Variants in KIF6 observed in about 807,000 individuals in gnomAD.
The protein encoded by KIF6 is kinesin-like protein KIF6.
A neutral mutation model predicts 112.7 loss-of-function variants in KIF6; 106 were observed. The ratio of observed to expected loss-of-function variants is 0.94; its 90% CI spans 0.80 to 1.11. The LOEUF is 1.11. Ranked by LOEUF, KIF6 falls within the 50% of genes least tolerant of loss-of-function variation. The pLI is 0.00. For synonymous variants in KIF6, 339 were observed against 339.9 expected, an observed-to-expected ratio of 1.00 and a Z score of 0.03; for missense variants, 929 against 964.0, an observed-to-expected ratio of 0.96 and a Z score of 0.48.
chr6:39,339,912 C>T (rs1056923005), intron 22 of KIF6, among the ~76,000 whole-genome samples: 1 of 152,170 alleles, frequency 6.6e-6, no homozygotes, highest in Admixed American at 6.6e-5. Flanking sequence ...TCACAAATTC[C>T]CCTTAATGAG....
chr6:39,434,589 A>AC (rs199778756), intron 13 of KIF6, among the ~76,000 whole-genome samples: 8,530 of 146,916 alleles, frequency 0.058, 441 homozygotes, highest in East Asian at 0.24. Context: ...ACAAAACAAA[A>AC]AAACAAAACA....
rs377586464 is a variant in KIF6 at position 39,533,355 on chromosome 6, T to A, written c.1645+6648A>T. ...GCTTAAAAAACGGTGCACCAGGAGA[T>A]TATATCCTGCACATGGCTTGGAGGG... On this transcript the variant is annotated intron_variant, in intron 13 of 22. Transcript: ENST00000287152. 1.1e-4 allele frequency among the ~76,000 whole-genome samples: 17 copies of A among 152,208 alleles called. 1 individual carries two copies. The East Asian group carries it at 1.9e-3, about 17-fold the overall frequency.
rs1281726852 is a variant in KIF6, at chr6:39,335,015, G to A, written c.*1517C>T. 1 of 152,234 alleles carries A rather than the reference G, an allele frequency of 6.6e-6. No individual in the cohort carries two copies. Among genetic ancestry groups the A allele is most frequent in the Non-Finnish European group, 1.5e-5 (1 of 68,060 alleles). The allele number at this position is 152,234 out of a possible 1,614,324, so 9.4% of individuals were successfully genotyped here. ...AGCCTGAGAAACACATCTGGGTTCT[G>A]GCTCGTCTACTCATGAACTGAAGGA... is the stretch of plus-strand genomic sequence containing the variant. On this transcript the variant is annotated 3_prime_UTR_variant, in exon 23 of 23. Transcript: ENST00000287152.
At chr6:39,557,055 A>G (rs1317200019) in intron 10 of KIF6, among the ~76,000 whole-genome samples, 2 of 152,112 alleles carry the variant, frequency 1.3e-5, no homozygotes, top group Non-Finnish European at 2.9e-5. Context: ...CTACATACAT[A>G]TGCACATATA....
intron 13 of KIF6, 194 bp from the exon 14 acceptor site, chr6:39,431,355 G>A (rs1401141500): frequency 8.9e-6 from 5 of 563,778 alleles, no homozygotes; most frequent in East Asian, 8.8e-5. Flanking sequence ...AGTGCCACCC[G>A]CTGCACCCCT....
At chr6:39,424,447 T>C (rs944497716) in intron 14 of KIF6, among the ~76,000 whole-genome samples, 2 of 152,252 alleles carry the variant, frequency 1.3e-5, no homozygotes, top group South Asian at 2.1e-4. Flanking sequence ...ATTCACTCTT[T>C]TCTCTGGGGC....
Position 39,336,265 on chromosome 6 carries a change from T to G in KIF6, c.*267A>C. 2.0e-6 allele frequency: 1 copy of G among 500,258 alleles called. No individual in the cohort carries two copies. Among genetic ancestry groups the G allele is most frequent in the Non-Finnish European group, 3.6e-6 (1 of 279,778 alleles). 31.0% of individuals were successfully genotyped at this position (500,258 alleles called of 1,614,324 possible). ...CAACAGTGAGCTGAAGCCTTCACCC[T>G]GCCCCTAGCACTCTGGCCTTGCCTG... On this transcript the variant is annotated 3_prime_UTR_variant, in exon 23 of 23. Transcript: ENST00000287152.
At chr6:39,421,458 G>C (rs1304976284) in intron 14 of KIF6, among the ~76,000 whole-genome samples, 1 of 152,088 alleles carries the variant, frequency 6.6e-6, no homozygotes, top group East Asian at 1.9e-4. Flanking sequence ...ATATCCTATT[G>C]TTTCATCCTT....
At chr6:39,698,871 T>A in intron 3 of KIF6, among the ~76,000 whole-genome samples, 1 of 152,230 alleles carries the variant, frequency 6.6e-6, no homozygotes, top group South Asian at 2.1e-4. Context: ...GGAATTTTCA[T>A]TAATTAAAAT....
At chr6:39,463,377 A>T (rs994373478) in intron 13 of KIF6, among the ~76,000 whole-genome samples, 23 of 152,158 alleles carry the variant, frequency 1.5e-4, no homozygotes, top group Admixed American at 5.2e-4. Context: ...AAATATTCTT[A>T]AAAAAACATG....
intron 13 of KIF6, among the ~76,000 whole-genome samples, chr6:39,523,172 T>C (rs1398473337): frequency 6.6e-6 from 1 of 152,158 alleles, no homozygotes; most frequent in Non-Finnish European, 1.5e-5. Flanking sequence ...ACCTCCATTC[T>C]AATCAGTTCT....
rs1762750839 is a variant in KIF6, at chr6:39,331,882, T to A, written c.*4650A>T. On this transcript the variant is annotated 3_prime_UTR_variant, in exon 23 of 23. Transcript: ENST00000287152. ...TTTGAAACACACACCCATTGCATTT[T>A]AAAAAATGTTTCTGTCTATTTACTC... The A allele has an allele frequency of 6.6e-6, 1 of 152,132 alleles. No homozygotes were observed. Among genetic ancestry groups the A allele is most frequent in the African/African-American group, 2.4e-5 (1 of 41,438 alleles). The allele number at this position is 152,132 out of a possible 1,614,324, so 9.4% of individuals were successfully genotyped here.
At chr6:39,337,466 C>G (rs537556473) in intron 22 of KIF6, among the ~76,000 whole-genome samples, 1 of 151,844 alleles carries the variant, frequency 6.6e-6, no homozygotes, top group East Asian at 2.0e-4. Context: ...GCACCCACCA[C>G]CACGTCTGGC....
chr6:39,671,137 C>G (rs999122177), intron 3 of KIF6, among the ~76,000 whole-genome samples: 2 of 152,180 alleles, frequency 1.3e-5, no homozygotes, highest in African/African-American at 4.8e-5. Context: ...AGACAAACTA[C>G]TAAAGACACA....
rs1199724064 is a variant in KIF6 at position 39,343,295 on chromosome 6, AACC to A, written c.2428+411_2428+413del. On this transcript the variant is annotated intron_variant, in intron 22 of 22. Transcript: ENST00000287152. The surrounding 1 kb of genome is among the most constrained non-coding windows in gnomAD (Gnocchi z 4.1). ...TTTACACTCACAGCTCTTTGGCAAG[AACC>A]ACACTCTGATAGGGGAGTGAGACTT... 7.7e-7 allele frequency: 1 copy of A among 1,291,832 alleles called. No individual in the cohort carries two copies. Among genetic ancestry groups the A allele is most frequent in the Non-Finnish European group, 1.0e-6 (1 of 990,370 alleles). 80.0% of individuals were successfully genotyped at this position (1,291,832 alleles called of 1,614,324 possible).
chr6:39,596,867 AAG>A (rs1782299615), intron 6 of KIF6, among the ~76,000 whole-genome samples: 1 of 152,188 alleles, frequency 6.6e-6, no homozygotes, highest in Admixed American at 6.5e-5. Flanking sequence ...AAGAACTAAA[AAG>A]TTTAGCATGG....
intron 2 of KIF6, 122 bp downstream of exon 2, chr6:39,720,580 G>A (rs1790151900): frequency 1.6e-6 from 1 of 614,750 alleles, no homozygotes; most frequent in Non-Finnish European, 2.9e-6. Flanking sequence ...TAGGTGAGAT[G>A]AAGAGCTGCG....
rs1366050128 is a variant in KIF6 at position 39,378,046 on chromosome 6, G to T, written c.1861+7576C>A. On this transcript the variant is annotated intron_variant, in intron 16 of 22. Transcript: ENST00000287152. This position sits in a 1 kb window ranked among gnomAD's most constrained non-coding sequence, Gnocchi z 5.0. ...TTTCTTTTTTTAATTAATACTATCAGTATAACTATCTTCTATAACAGTATA... is the reference window on the plus strand; with the variant it reads ...TTTCTTTTTTTAATTAATACTATCATTATAACTATCTTCTATAACAGTATA... Among the ~76,000 whole-genome samples, 1 of 152,120 alleles carries T rather than the reference G, an allele frequency of 6.6e-6. No homozygotes were observed. The highest frequency in any genetic ancestry group is 2.4e-5 in the African/African-American group (1 of 41,394).
intron 15 of KIF6, 55 bp downstream of exon 15, chr6:39,419,893 A>T: frequency 6.8e-7 from 1 of 1,475,310 alleles, no homozygotes; most frequent in South Asian, 1.1e-5. Context: ...TCATGACCTG[A>T]TTTTCACCAG....
Sources: gnomAD v4.1 joint callset for allele counts (sites outside exome capture counted in the v4.1 genomes callset) on GRCh38, gnomAD v4.1.1 for gene constraint, Gnocchi (gnomAD v3.1) non-coding constraint, MANE v1.5 for transcripts, NCBI Gene and HGNC (gene_info 2026-07-23, HGNC 2026-07-21) for gene names.